SYT1: variants seen among roughly 807,000 people sequenced by gnomAD.
The protein encoded by SYT1 is synaptotagmin-1.
A neutral mutation model predicts 44.8 loss-of-function variants in SYT1; 8 were observed. The observed-to-expected ratio is 0.18, with a 90% CI of 0.10 to 0.32. The LOEUF is 0.32. Among genes scored for constraint, SYT1 ranks in the 10% least tolerant of loss-of-function variants. The pLI, the probability that SYT1 is intolerant of heterozygous loss-of-function variation, is 1.00. For synonymous variants in SYT1, 154 were observed against 188.8 expected (o/e 0.82, Z 1.51); for missense variants, 286 against 509.3 (o/e 0.56, Z 4.22).
intron 3 of SYT1, among the ~76,000 whole-genome samples, chr12:79,161,609 C>G (rs1432353669): frequency 6.6e-6 from 1 of 152,114 alleles, no homozygotes; most frequent in Non-Finnish European, 1.5e-5. Context: ...AGACATTTTA[C>G]ATCTGATTTA....
At position 79,333,724 on chromosome 12, in the gene SYT1, T is replaced by C. The variant is rs117448369; in HGVS notation, c.811-19778T>C. 5.6e-3 allele frequency among the ~76,000 whole-genome samples: 855 copies of C among 152,342 alleles called. 7 individuals are homozygous for C. Among genetic ancestry groups the C allele is most frequent in the Non-Finnish European group, 9.8e-3 (667 of 68,032 alleles). ...AAAAAATATTGGCATCTTTCATTTA[T>C]AGAACAGGTTTAATTTCTCAACACT... On this transcript the variant is annotated intron_variant, in intron 8 of 10. Transcript: ENST00000261205.
Position 79,349,029 on chromosome 12 carries a change from AAGAAAAAG to A in SYT1, c.811-4471_811-4464del, listed in dbSNP as rs752139621. ...AAAGAAAGAAAGAAAGAAAGAAAGA[AAGAAAAAG>A]AAAGAAAGAAAGAAAGAAAGGAGGG... On this transcript the variant is annotated intron_variant, in intron 8 of 10. Coordinates refer to ENST00000261205, the MANE Select transcript of SYT1 (RefSeq NM_005639.3). Among the ~76,000 whole-genome samples the A allele has an allele frequency of 4.9e-3, 626 of 127,960 alleles. 2 individuals are homozygous for A. Among genetic ancestry groups the A allele is most frequent in the East Asian group, 0.011 (46 of 4,200 alleles). The allele number at this position is 127,960 out of a possible 152,430, so 83.9% of individuals were successfully genotyped here.
At chr12:79,064,418 A>G (rs1277336536) in intron 3 of SYT1, among the ~76,000 whole-genome samples, 3 of 152,118 alleles carry the variant, frequency 2.0e-5, no homozygotes, top group Non-Finnish European at 4.4e-5. Context: ...CACAGTGGAG[A>G]TGGGGTAGAT....
chr12:78,947,522 TAA>T (rs71441942), intron 1 of SYT1, among the ~76,000 whole-genome samples: 2 of 142,578 alleles, frequency 1.4e-5, no homozygotes, highest in Non-Finnish European at 3.0e-5. Flanking sequence ...TTGAATCTAG[TAA>T]AAAAAAAAAA....
At chr12:79,071,775 T>A (rs1166447154) in intron 3 of SYT1, among the ~76,000 whole-genome samples, 1 of 152,138 alleles carries the variant, frequency 6.6e-6, no homozygotes, top group Non-Finnish European at 1.5e-5. Flanking sequence ...CTTTGTCTCT[T>A]CTGTTCATTT....
chr12:79,396,546 A>T (rs1452179681), intron 9 of SYT1, among the ~76,000 whole-genome samples: 1 of 152,122 alleles, frequency 6.6e-6, no homozygotes, highest in Non-Finnish European at 1.5e-5. Context: ...ACAAAACAGG[A>T]TTAAATGAAG....
At chr12:79,351,135 C>T (rs1046360894) in intron 8 of SYT1, among the ~76,000 whole-genome samples, 8 of 152,046 alleles carry the variant, frequency 5.3e-5, no homozygotes, top group African/African-American at 1.9e-4. Context: ...TCCCAAAATG[C>T]CCATATTTTT....
At chr12:79,126,420 C>T (rs1868442139) in intron 3 of SYT1, among the ~76,000 whole-genome samples, 1 of 152,134 alleles carries the variant, frequency 6.6e-6, no homozygotes, top group East Asian at 1.9e-4. Flanking sequence ...GCCACCACAC[C>T]TAGCTAATTT....
rs1211367161 is a variant in SYT1, at chr12:79,306,638, C to T, written c.810+7087C>T. On this transcript the variant is annotated intron_variant, in intron 8 of 10. Coordinates refer to ENST00000261205, the MANE Select transcript of SYT1 (RefSeq NM_005639.3). ...GATATAAATTCTGATACACATAGTA[C>T]CAAGAAAATATAATTGTTTTAATAG... 3.3e-5 allele frequency among the ~76,000 whole-genome samples: 5 copies of T among 152,178 alleles called. No individual in the cohort carries two copies. The East Asian group carries it at 9.6e-4, about 29-fold the overall frequency.
intron 3 of SYT1, among the ~76,000 whole-genome samples, chr12:79,079,734 C>T (rs950596314): frequency 6.6e-6 from 1 of 151,868 alleles, no homozygotes; most frequent in Non-Finnish European, 1.5e-5. Context: ...TGAAAGGCCA[C>T]AATAATTTCA....
At chr12:79,108,675 T>C (rs1335954263) in intron 3 of SYT1, among the ~76,000 whole-genome samples, 2 of 152,192 alleles carry the variant, frequency 1.3e-5, no homozygotes, top group Non-Finnish European at 2.9e-5. Flanking sequence ...ACATTATTTC[T>C]ATATTAAGGA....
At chr12:78,866,105 C>G (rs989896629) in intron 1 of SYT1, among the ~76,000 whole-genome samples, 1 of 152,128 alleles carries the variant, frequency 6.6e-6, no homozygotes. Flanking sequence ...TGTTGATATT[C>G]ACTTTCTCCA....
At chr12:79,132,081 G>A (rs1204206133) in intron 3 of SYT1, among the ~76,000 whole-genome samples, 2 of 152,080 alleles carry the variant, frequency 1.3e-5, no homozygotes, top group Admixed American at 1.3e-4. Flanking sequence ...TAAAGACTTT[G>A]TTACAACTAA....
chr12:79,408,721 TTTTC>T (rs1295773049), intron 9 of SYT1, among the ~76,000 whole-genome samples: 4 of 149,162 alleles, frequency 2.7e-5, no homozygotes, highest in South Asian at 2.2e-4. Flanking sequence ...TTTTCTTTCC[TTTTC>T]TTTCTTTTTT....
At position 78,968,852 on chromosome 12, in the gene SYT1, T is replaced by C. The variant is rs567727006; in HGVS notation, c.-216-8947T>C. 2.6e-5 allele frequency among the ~76,000 whole-genome samples: 4 copies of C among 152,294 alleles called. No homozygotes were observed. In the East Asian group the frequency reaches 7.7e-4, roughly 29 times the overall value. On this transcript the variant is annotated intron_variant, in intron 1 of 10. Coordinates refer to ENST00000261205, the MANE Select transcript of SYT1 (RefSeq NM_005639.3). ...TTATATGGTGCTCATATAGGCCAGA[T>C]ACTATCCAAGATGCTGGTATCATGT...
chr12:78,967,190 C>T (rs1217932288), intron 1 of SYT1, among the ~76,000 whole-genome samples: 1 of 152,130 alleles, frequency 6.6e-6, no homozygotes, highest in Non-Finnish European at 1.5e-5. Context: ...ACTAAGGTAT[C>T]ATTTGTGCCC....
chr12:79,242,224 G>C (rs906806441), intron 4 of SYT1, among the ~76,000 whole-genome samples: 1 of 152,194 alleles, frequency 6.6e-6, no homozygotes, highest in South Asian at 2.1e-4. Context: ...GTGAACGAAT[G>C]CTGCAATGAC....
rs184198057 is a variant in SYT1 at position 78,906,139 on chromosome 12, G to T, written c.-217+41030G>T. On this transcript the variant is annotated intron_variant, in intron 1 of 10. Transcript: ENST00000261205. ...TTTAGAAAGTACAATTATAAAAGAG[G>T]TTCCTTTCAATAGAAGATGATTTAT... is the stretch of plus-strand genomic sequence containing the variant. Among the ~76,000 whole-genome samples, 11 of 151,818 alleles carry T rather than the reference G, an allele frequency of 7.2e-5. No individual in the cohort carries two copies. In the East Asian group the frequency reaches 1.9e-3, roughly 27 times the overall value.
At chr12:79,340,693 A>G (rs1882327922) in intron 8 of SYT1, among the ~76,000 whole-genome samples, 1 of 152,060 alleles carries the variant, frequency 6.6e-6, no homozygotes, top group South Asian at 2.1e-4. Flanking sequence ...CTGGCCAACT[A>G]CAATTTCATA....
Sources: allele counts gnomAD v4.1 joint callset (sites outside exome capture counted in the v4.1 genomes callset), GRCh38; gene constraint gnomAD v4.1.1; transcripts MANE v1.5; gene names NCBI Gene and HGNC (gene_info 2026-07-23, HGNC 2026-07-21).